The following SORCS2 variants were observed in gnomAD, a reference collection of about 807,000 sequenced individuals.
The protein encoded by SORCS2 is sortilin related VPS10 domain containing receptor 2.
SORCS2 carries 100 observed loss-of-function variants against 141.6 expected under a neutral mutation model. The observed-to-expected ratio is 0.71, with a 90% CI of 0.60 to 0.83. The LOEUF is 0.83. SORCS2 is among the 40% of genes least tolerant of loss of function. The probability of loss-of-function intolerance (pLI) is 0.00; values close to 1 mark genes in which losing one functional copy is unlikely to be tolerated. For missense variants in SORCS2, 1,646 were observed against 1,560.2 expected (o/e 1.05, Z -0.93); for synonymous variants, 789 against 676.9 (o/e 1.17, Z -2.57).
At chr4:7,434,519 T>A (rs1727149509) in intron 2 of SORCS2, 1 of 1,612,866 alleles carries the variant, frequency 6.2e-7, no homozygotes, top group Non-Finnish European at 8.5e-7. Context: ...CCACGGAGCA[T>A]GCTCAGGATG....
At chr4:7,609,016 A>G (rs1444419882) in intron 3 of SORCS2, among the ~76,000 whole-genome samples, 1 of 152,040 alleles carries the variant, frequency 6.6e-6, no homozygotes, top group African/African-American at 2.4e-5. Context: ...AGGGGTGAAC[A>G]TGAGGTTCTG....
rs1235692099 is a variant in SORCS2, at chr4:7,482,096, C to T, written c.549-49434C>T. Among the ~76,000 whole-genome samples, 2 of 53,636 alleles carry T rather than the reference C, an allele frequency of 3.7e-5. 1 individual carries two copies. The highest frequency in any genetic ancestry group is 7.3e-5 in the Non-Finnish European group (2 of 27,446). 35.2% of individuals were successfully genotyped at this position (53,636 alleles called of 152,430 possible). A position where few individuals can be genotyped will look rare whatever the true frequency, so the allele number is the denominator to read the frequency against. On this transcript the variant is annotated intron_variant, in intron 2 of 26. Coordinates refer to ENST00000507866, the MANE Select transcript of SORCS2 (RefSeq NM_020777.3). ...TGGACACCCCTGGCTACTGTTCAGACCTGTATCCCCACTGCGGACACCCCT... is the reference window on the plus strand; with the variant it reads ...TGGACACCCCTGGCTACTGTTCAGATCTGTATCCCCACTGCGGACACCCCT...
At chr4:7,355,465 G>A (rs774336064) in intron 1 of SORCS2, among the ~76,000 whole-genome samples, 20 of 151,972 alleles carry the variant, frequency 1.3e-4, no homozygotes, top group Non-Finnish European at 2.2e-4. Context: ...TTTTGTTAAC[G>A]CGGTCAGTCA....
intron 3 of SORCS2, among the ~76,000 whole-genome samples, chr4:7,603,469 T>C (rs1330190468): frequency 6.6e-6 from 1 of 152,246 alleles, no homozygotes; most frequent in Non-Finnish European, 1.5e-5. Context: ...GAATTCTCCC[T>C]GGCTTCCTTT....
intron 1 of SORCS2, among the ~76,000 whole-genome samples, chr4:7,387,648 C>G (rs1033981782): frequency 7.4e-6 from 1 of 135,536 alleles, no homozygotes; most frequent in Non-Finnish European, 1.6e-5. Context: ...CACACATGCC[C>G]ACCATACACA....
intron 1 of SORCS2, among the ~76,000 whole-genome samples, chr4:7,361,827 T>G (rs1283105531): frequency 7.0e-6 from 1 of 143,612 alleles, no homozygotes; most frequent in Non-Finnish European, 1.5e-5. Context: ...TAAAGCAGCC[T>G]CCAGGGTCTC....
chr4:7,695,826 GGATT>G lies in SORCS2; in HGVS notation c.1592-1370_1592-1367del, dbSNP rs1214684616. 7.7e-4 allele frequency among the ~76,000 whole-genome samples: 70 copies of G among 90,640 alleles called. 1 individual carries two copies. Among genetic ancestry groups the G allele is most frequent in the Non-Finnish European group, 1.4e-3 (56 of 39,004 alleles). The allele number at this position is 90,640 out of a possible 152,430, so 59.5% of individuals were successfully genotyped here. On this transcript the variant is annotated intron_variant, in intron 11 of 26. Transcript: ENST00000507866. ...TGGGTGGGTGGATGGATGGATGGATGGATTGGTGGGTGGGTGGATGGATGGGTGG... is the reference window on the plus strand; with the variant it reads ...TGGGTGGGTGGATGGATGGATGGATGGGTGGGTGGGTGGATGGATGGGTGG...
At chr4:7,464,733 C>T (rs1729510307) in intron 2 of SORCS2, among the ~76,000 whole-genome samples, 2 of 152,204 alleles carry the variant, frequency 1.3e-5, no homozygotes, top group Admixed American at 1.3e-4. Context: ...AAACAGAAAG[C>T]TCACCTTGAA....
chr4:7,552,327 T>A (rs1577736843), intron 3 of SORCS2, among the ~76,000 whole-genome samples: 1 of 152,096 alleles, frequency 6.6e-6, no homozygotes, highest in Admixed American at 6.5e-5. Context: ...CCCAGGAAGG[T>A]GTCTCTGTCC....
intron 3 of SORCS2, among the ~76,000 whole-genome samples, chr4:7,631,146 G>A (rs1719865394): frequency 2.0e-5 from 3 of 150,906 alleles, no homozygotes; most frequent in Admixed American, 6.6e-5. Flanking sequence ...TTTTGGAGGA[G>A]ATGGGTTGGA....
chr4:7,705,119 G>A (rs1577096182), intron 14 of SORCS2, among the ~76,000 whole-genome samples: 1 of 152,186 alleles, frequency 6.6e-6, no homozygotes, highest in African/African-American at 2.4e-5. Context: ...GGCGGACCCT[G>A]ATCCAATGAC....
At chr4:7,262,469 A>G (rs1334574763) in intron 1 of SORCS2, among the ~76,000 whole-genome samples, 2 of 151,810 alleles carry the variant, frequency 1.3e-5, no homozygotes, top group Non-Finnish European at 2.9e-5. Context: ...AAGCACTGGG[A>G]TAGTGTGGTA....
At chr4:7,705,116 C>G (rs1725340737) in intron 14 of SORCS2, among the ~76,000 whole-genome samples, 1 of 152,148 alleles carries the variant, frequency 6.6e-6, no homozygotes, top group Non-Finnish European at 1.5e-5. Context: ...TAGGGCGGAC[C>G]CTGATCCAAT....
At chr4:7,375,551 T>C (rs112159038) in intron 1 of SORCS2, among the ~76,000 whole-genome samples, 1 of 152,130 alleles carries the variant, frequency 6.6e-6, no homozygotes, top group East Asian at 1.9e-4. Flanking sequence ...GCGATGCCCG[T>C]GTGCATGGAT....
intron 3 of SORCS2, among the ~76,000 whole-genome samples, chr4:7,556,207 A>G (rs762831073): frequency 6.6e-6 from 1 of 152,168 alleles, no homozygotes; most frequent in Admixed American, 6.5e-5. Context: ...GGTTTTGGCA[A>G]TGGGGAGAGT....
chr4:7,724,502 TGGTGGTGGTGATGGTGGTGATAG>T (rs1726934760), intron 19 of SORCS2, among the ~76,000 whole-genome samples: 1 of 135,808 alleles, frequency 7.4e-6, no homozygotes, highest in African/African-American at 3.0e-5. Context: ...GTGGTGACAA[TGGTGGTGGTGATGGTGGTGATAG>T]GGTGGTGGTG....
At chr4:7,470,354 G>GACCCATCCATCCATCCTTCC (rs1729897398) in intron 2 of SORCS2, among the ~76,000 whole-genome samples, 2 of 149,032 alleles carry the variant, frequency 1.3e-5, no homozygotes, top group Non-Finnish European at 1.5e-5. Flanking sequence ...CTCACTTATC[G>GACCCATCCATCCATCCTTCC]ATCCATCCAT....
chr4:7,193,202 C>T lies in SORCS2; in HGVS notation c.480+76C>T. ...ACACCCGGGCGGGACCGCCACGGCC[C>T]CCACCCCAGATCCCCACTATGGTCA... On this transcript the variant is annotated intron_variant, in intron 1 of 26. Transcript: ENST00000507866. This position sits in a 1 kb window ranked among gnomAD's most constrained non-coding sequence, Gnocchi z 4.8. The T allele has an allele frequency of 1.5e-6, 2 of 1,374,706 alleles. No individual in the cohort carries two copies. The highest frequency in any genetic ancestry group is 1.9e-6 in the Non-Finnish European group (2 of 1,066,690). 85.2% of individuals were successfully genotyped at this position (1,374,706 alleles called of 1,614,324 possible).
intron 2 of SORCS2, among the ~76,000 whole-genome samples, chr4:7,403,017 G>T (rs550211864): frequency 6.6e-6 from 1 of 151,930 alleles, no homozygotes; most frequent in African/African-American, 2.4e-5. Context: ...CTCCTGCCAG[G>T]TACCATTCAT....
Sources: allele counts gnomAD v4.1 joint callset (sites outside exome capture counted in the v4.1 genomes callset), GRCh38; gene constraint gnomAD v4.1.1; non-coding constraint Gnocchi (gnomAD v3.1); transcripts MANE v1.5; gene names NCBI Gene and HGNC (gene_info 2026-07-23, HGNC 2026-07-21).